Variants in ZNF268 observed in about 807,000 individuals in gnomAD.
ZNF268 encodes zinc finger protein 268.
Under a neutral mutation model 29.3 loss-of-function variants are expected in ZNF268, and 20 were observed. That is an observed-to-expected ratio of 0.68 (90% CI 0.48 to 0.99). The LOEUF (loss-of-function observed/expected upper bound fraction) is 0.99. Among genes scored for constraint, ZNF268 ranks in the 50% least tolerant of loss-of-function variants. The probability of loss-of-function intolerance (pLI) is 0.00; values close to 1 mark genes in which losing one functional copy is unlikely to be tolerated. For missense variants in ZNF268, 1,240 were observed against 1,121.6 expected (o/e 1.11, Z -1.51); for synonymous variants, 429 against 376.9 (o/e 1.14, Z -1.60).
At chr12:133,201,492 C>T (rs1050476624) in intron 5 of ZNF268, among the ~76,000 whole-genome samples, 7 of 152,040 alleles carry the variant, frequency 4.6e-5, no homozygotes, top group East Asian at 1.9e-4. Flanking sequence ...TTTCTGTCCT[C>T]TAGTTTTCCT....
At chr12:133,191,347 T>G in intron 3 of ZNF268, 142 bp from the exon 4 acceptor site, 1 of 869,792 alleles carries the variant, frequency 1.1e-6, no homozygotes, top group Non-Finnish European at 1.7e-6. Context: ...GAAAGATGAC[T>G]GATTTAATGC....
rs2135477165 is a variant in ZNF268 at position 133,181,937 on chromosome 12, C to T, written c.-52-9C>T. On this transcript the variant is annotated splice_polypyrimidine_tract_variant and intron_variant, in intron 1 of 5. Transcript: ENST00000536435. Reference sequence around the variant, plus strand: ...GTGACCTCTTTCTTCACTGTGCTCTCTCTTCTAGCATCCCTCGCGTCCTGT... The same window carrying T: ...GTGACCTCTTTCTTCACTGTGCTCTTTCTTCTAGCATCCCTCGCGTCCTGT... 6.5e-7 allele frequency: 1 copy of T among 1,541,700 alleles called. No individual in the cohort carries two copies. Among genetic ancestry groups the T allele is most frequent in the Non-Finnish European group, 8.8e-7 (1 of 1,137,674 alleles).
intron 3 of ZNF268, among the ~76,000 whole-genome samples, chr12:133,190,234 T>G (rs1281947184): frequency 6.6e-6 from 1 of 152,254 alleles, no homozygotes; most frequent in Non-Finnish European, 1.5e-5. Flanking sequence ...AATTCAGTAA[T>G]GATAACTTCT....
In ZNF268 at chr12:133,202,430, C is replaced by A. The variant is rs775758017; in HGVS notation, c.744C>A (p.Tyr248Ter). The change falls in exon 6 of 6, where the codon TAC becomes TAA. Residue 248 changes from tyrosine to a stop codon, truncating the protein, a stop_gained. Coordinates refer to ENST00000536435, the MANE Select transcript of ZNF268 (RefSeq NM_003415.3). LOFTEE classifies it low-confidence loss of function (END_TRUNC). ...KHEQTVIGIK[Y>*]CESIESGKTV... ...AGCAAACTGTTATTGGAATAAAATA[C>A]TGTGAAAGTATTGAATCTGGAAAAA... is the stretch of plus-strand genomic sequence containing the variant. 59 of 1,610,644 alleles carry A rather than the reference C, an allele frequency of 3.7e-5. No individual in the cohort carries two copies. Among genetic ancestry groups the A allele is most frequent in the Non-Finnish European group, 3.2e-5 (38 of 1,178,258 alleles).
chr12:133,191,312 G>T (rs987975382), intron 3 of ZNF268, 177 bp from the exon 4 acceptor site: 48 of 645,532 alleles, frequency 7.4e-5, no homozygotes, highest in Non-Finnish European at 1.1e-4. Context: ...GTGAGACTCT[G>T]TCTCAACAAA....
In ZNF268 at chr12:133,182,903, G is replaced by A. The variant is rs1956214069; in HGVS notation, c.33+873G>A. 2.0e-5 allele frequency among the ~76,000 whole-genome samples: 3 copies of A among 152,140 alleles called. No homozygotes were observed. The South Asian group carries it at 6.2e-4, about 31-fold the overall frequency. On this transcript the variant is annotated intron_variant, in intron 2 of 5. Coordinates refer to ENST00000536435, the MANE Select transcript of ZNF268 (RefSeq NM_003415.3). Reference sequence around the variant, plus strand: ...TTGGATTGTATCACATAGGGCAGGTGGTCCCCAACCCCCACGCTTCAGACT... The same window carrying A: ...TTGGATTGTATCACATAGGGCAGGTAGTCCCCAACCCCCACGCTTCAGACT...
chr12:133,181,574 A>G lies in ZNF268; in HGVS notation c.-165A>G, dbSNP rs1319708103. ...TAGCGTTCATCGCCCGTCGTGGTCA[A>G]CGGGCCAGCCGAGTCTGGAGTGGTT... On this transcript the variant is annotated 5_prime_UTR_variant, in exon 1 of 6. Coordinates refer to ENST00000536435, the MANE Select transcript of ZNF268 (RefSeq NM_003415.3). 6.0e-6 allele frequency: 1 copy of G among 167,574 alleles called. No individual in the cohort carries two copies. Among genetic ancestry groups the G allele is most frequent in the Non-Finnish European group, 1.3e-5 (1 of 78,568 alleles). The allele number at this position is 167,574 out of a possible 1,614,324, so 10.4% of individuals were successfully genotyped here.
At chr12:133,196,253 C>T (rs1000465547) in intron 5 of ZNF268, among the ~76,000 whole-genome samples, 1 of 133,944 alleles carries the variant, frequency 7.5e-6, no homozygotes, top group Non-Finnish European at 1.6e-5. Flanking sequence ...ACCTAGGGGG[C>T]GAAGATTGTA....
intron 5 of ZNF268, among the ~76,000 whole-genome samples, chr12:133,197,708 T>A (rs574764809): frequency 2.5e-3 from 375 of 152,366 alleles, no homozygotes; most frequent in African/African-American, 8.2e-3. Flanking sequence ...TGTTGTTTCC[T>A]GACTTTTTAA....
In ZNF268 at chr12:133,202,754, T is replaced by G. The variant is rs1956786555; in HGVS notation, c.1068T>G (p.Gly356=). The change falls in exon 6 of 6, where the codon GGT becomes GGG. Residue 356 remains glycine, a synonymous_variant. Coordinates refer to ENST00000536435, the MANE Select transcript of ZNF268 (RefSeq NM_003415.3). ...QLVIHQRIHT[G]ENPYECCECG... is the part of the protein sequence containing the mutation. ...TTATACATCAGAGAATTCACACAGG[T>G]GAGAATCCCTATGAGTGCTGTGAAT... The G allele has an allele frequency of 4.3e-6, 7 of 1,611,336 alleles. No individual in the cohort carries two copies. Among genetic ancestry groups the G allele is most frequent in the Middle Eastern group, 1.6e-4 (1 of 6,082 alleles).
chr12:133,214,159 A>G lies in ZNF268; in HGVS notation c.*9629A>G, dbSNP rs1385442547. On this transcript the variant is annotated 3_prime_UTR_variant, in exon 6 of 6. Transcript: ENST00000536435. ...GACTTTTCTGTAAAGAAGATATGCA[A>G]ATAGCATATGAAACGATACTCAACA... The G allele has an allele frequency of 2.0e-5, 3 of 152,242 alleles. No individual in the cohort carries two copies. Among genetic ancestry groups the G allele is most frequent in the Admixed American group, 2.0e-4 (3 of 15,286 alleles). The allele number at this position is 152,242 out of a possible 1,614,324, so 9.4% of individuals were successfully genotyped here.
Position 133,203,446 on chromosome 12 carries a change from C to A in ZNF268, c.1760C>A (p.Thr587Asn). The change falls in exon 6 of 6, where the codon ACC becomes AAC. Residue 587 changes from threonine (T) to asparagine (N), a missense_variant. This residue lies in a region of ZNF268 where 1,177 missense variants were observed against 1,039.6 expected (regional missense o/e 1.13). Coordinates refer to ENST00000536435, the MANE Select transcript of ZNF268 (RefSeq NM_003415.3). ...THAGEKPYEC[T>N]DCGKAFGLKS... ...GCAGGAGAGAAGCCTTATGAATGCACCGACTGTGGAAAGGCTTTTGGTTTA... is the reference window on the plus strand; with the variant it reads ...GCAGGAGAGAAGCCTTATGAATGCAACGACTGTGGAAAGGCTTTTGGTTTA... The A allele has an allele frequency of 1.3e-6, 2 of 1,541,746 alleles. No homozygotes were observed. Among genetic ancestry groups the A allele is most frequent in the Non-Finnish European group, 8.7e-7 (1 of 1,148,434 alleles).
At chr12:133,188,447 T>C (rs1956379965) in intron 3 of ZNF268, among the ~76,000 whole-genome samples, 1 of 152,172 alleles carries the variant, frequency 6.6e-6, no homozygotes, top group Non-Finnish European at 1.5e-5. Context: ...TCCTCCTGCC[T>C]CAGCCTCCTG....
Position 133,204,472 on chromosome 12 carries a change from TTTG to T in ZNF268, c.2790_2792del (p.Cys930del). ...AAGTGCACTGAATGTGGGAAAGCCT[TTTG>T]TTGGAAGTCACAGCTCATTATGCAT... On this transcript the variant is annotated inframe_deletion, in exon 6 of 6. Coordinates refer to ENST00000536435, the MANE Select transcript of ZNF268 (RefSeq NM_003415.3). The T allele has an allele frequency of 6.5e-7, 1 of 1,549,162 alleles. No individual in the cohort carries two copies. The highest frequency in any genetic ancestry group is 8.7e-7 in the Non-Finnish European group (1 of 1,153,080).
In ZNF268 at chr12:133,188,168, G is replaced by A. The variant is rs557553800; in HGVS notation, c.234+96G>A. On this transcript the variant is annotated intron_variant, in intron 3 of 5. Coordinates refer to ENST00000536435, the MANE Select transcript of ZNF268 (RefSeq NM_003415.3). ...GGAGATCCTTAGGTCAGAGGGTTAA[G>A]TTAATCACTCCTCAGTTCAGTTCAA... 98 of 1,131,542 alleles carry A rather than the reference G, an allele frequency of 8.7e-5. No homozygotes were observed. The African/African-American group carries it at 1.4e-3, about 16-fold the overall frequency. The allele number at this position is 1,131,542 out of a possible 1,614,324, so 70.1% of individuals were successfully genotyped here. A position where few individuals can be genotyped will look rare whatever the true frequency, so the allele number is the denominator to read the frequency against.
In ZNF268 at chr12:133,209,237, T is replaced by A. The variant is rs1381272403; in HGVS notation, c.*4707T>A. On this transcript the variant is annotated 3_prime_UTR_variant, in exon 6 of 6. Coordinates refer to ENST00000536435, the MANE Select transcript of ZNF268 (RefSeq NM_003415.3). ...TACAGGTGTGAGCCACTGGTCTGTA[T>A]TGATTTTTCTTAATTCTTTGCTAAA... 1.3e-5 allele frequency: 2 copies of A among 151,898 alleles called. No homozygotes were observed. The highest frequency in any genetic ancestry group is 2.9e-5 in the Non-Finnish European group (2 of 67,964). 9.4% of individuals were successfully genotyped at this position (151,898 alleles called of 1,614,324 possible).
rs369036515 is a variant in ZNF268, at chr12:133,208,889, G to T, written c.*4359G>T. ...GTCAGTATTCATGGAGGACCCCCCC[G>T]CAACCACAGATACTCCCTGTGGATG... On this transcript the variant is annotated 3_prime_UTR_variant, in exon 6 of 6. Coordinates refer to ENST00000536435, the MANE Select transcript of ZNF268 (RefSeq NM_003415.3). The T allele has an allele frequency of 2.5e-5, 1 of 39,268 alleles. No individual in the cohort carries two copies. Among genetic ancestry groups the T allele is most frequent in the African/African-American group, 4.4e-5 (1 of 22,658 alleles). 2.4% of individuals were successfully genotyped at this position (39,268 alleles called of 1,614,324 possible). A position where few individuals can be genotyped will look rare whatever the true frequency, so the allele number is the denominator to read the frequency against.
intron 2 of ZNF268, among the ~76,000 whole-genome samples, chr12:133,185,860 TC>T (rs1566364388): frequency 2.1e-5 from 2 of 93,024 alleles, no homozygotes; most frequent in Admixed American, 1.1e-4. Context: ...GGTGGAGTCC[TC>T]TTTTCTAAGA....
Position 133,204,695 on chromosome 12 carries a change from C to A in ZNF268, c.*165C>A. ...GGAAAGGCATCCACAGAAAGCTGTT[C>A]TTTACATGCAAAAAGATAGTAGACA... On this transcript the variant is annotated 3_prime_UTR_variant, in exon 6 of 6. Coordinates refer to ENST00000536435, the MANE Select transcript of ZNF268 (RefSeq NM_003415.3). 3.7e-6 allele frequency: 2 copies of A among 539,648 alleles called. No homozygotes were observed. Among genetic ancestry groups the A allele is most frequent in the Non-Finnish European group, 6.3e-6 (2 of 319,148 alleles). The allele number at this position is 539,648 out of a possible 1,614,324, so 33.4% of individuals were successfully genotyped here.
Sources: allele counts gnomAD v4.1 joint callset (sites outside exome capture counted in the v4.1 genomes callset), GRCh38; gene constraint gnomAD v4.1.1; regional missense constraint gnomAD v4.1.1; transcripts MANE v1.5; gene names NCBI Gene and HGNC (gene_info 2026-07-23, HGNC 2026-07-21).